Variants in XPNPEP1 observed in about 807,000 individuals in gnomAD.
The protein encoded by XPNPEP1 is X-prolyl aminopeptidase 1, also known as xaa-Pro aminopeptidase 1.
In XPNPEP1, 39 loss-of-function variants were observed where a neutral mutation model predicts 92.4. The observed-to-expected ratio is 0.42, with a 90% CI of 0.33 to 0.55. The LOEUF is 0.55. Among genes scored for constraint, XPNPEP1 ranks in the 20% least tolerant of loss-of-function variants. The pLI is 0.08. For synonymous variants in XPNPEP1, 307 were observed against 299.4 expected, an observed-to-expected ratio of 1.03 and a Z score of -0.26; for missense variants, 654 against 856.1, an observed-to-expected ratio of 0.76 and a Z score of 2.95.
intron 1 of XPNPEP1, among the ~76,000 whole-genome samples, chr10:109,918,823 GA>G (rs1175954340): frequency 5.9e-5 from 8 of 135,664 alleles, no homozygotes; most frequent in South Asian, 2.4e-4. Context: ...AGAAAGGAAA[GA>G]AAGGAAAGGA....
rs1848011744 is a variant in XPNPEP1 at position 109,880,183 on chromosome 10, C to A, written c.1182+5G>T. Reference sequence around the variant, plus strand: ...CCACATATTAAACAAAGACTAAGAACCAACCTCTTTCTCCAGCCAGTTAAA... The same window carrying A: ...CCACATATTAAACAAAGACTAAGAAACAACCTCTTTCTCCAGCCAGTTAAA... On this transcript the variant is annotated splice_donor_5th_base_variant and intron_variant, in intron 12 of 20. Coordinates refer to ENST00000502935, the MANE Select transcript of XPNPEP1 (RefSeq NM_020383.4). The A allele has an allele frequency of 6.2e-7, 1 of 1,613,780 alleles. No homozygotes were observed. The highest frequency in any genetic ancestry group is 1.7e-5 in the Admixed American group (1 of 59,998).
At chr10:109,887,872 C>G (rs975537859) in intron 7 of XPNPEP1, among the ~76,000 whole-genome samples, 177 bp downstream of exon 7, 5 of 152,214 alleles carry the variant, frequency 3.3e-5, no homozygotes, top group Non-Finnish European at 7.3e-5. Context: ...AAGTAGGTGG[C>G]AACAGTGGAA....
chr10:109,870,107 A>G, intron 18 of XPNPEP1, 78 bp from the exon 19 acceptor site: 1 of 1,476,430 alleles, frequency 6.8e-7, no homozygotes, highest in East Asian at 2.3e-5. Context: ...CACTCCTTGG[A>G]TGACTGCCCT....
At chr10:109,896,614 T>A (rs1030175618) in intron 3 of XPNPEP1, among the ~76,000 whole-genome samples, 1 of 151,962 alleles carries the variant, frequency 6.6e-6, no homozygotes, top group Admixed American at 6.6e-5. Context: ...ATTGTCTTGT[T>A]CCTCAACCCC....
chr10:109,888,330 G>A, intron 6 of XPNPEP1, 138 bp from the exon 7 acceptor site: 1 of 1,331,762 alleles, frequency 7.5e-7, no homozygotes, highest in South Asian at 1.5e-5. Flanking sequence ...ATGAGGAACT[G>A]TAAAAGCACA....
Position 109,920,963 on chromosome 10 carries a change from A to C in XPNPEP1, c.32+2439T>G, listed in dbSNP as rs1022236801. 2.6e-5 allele frequency among the ~76,000 whole-genome samples: 4 copies of C among 152,352 alleles called. No individual in the cohort carries two copies. The South Asian group carries it at 6.2e-4, about 24-fold the overall frequency. On this transcript the variant is annotated intron_variant, in intron 1 of 20. Transcript: ENST00000502935. ...GCCAAGACCAGAAACTAGGTCTGAC[A>C]GGTGAGCTCAAACTCTCTGTGTGAG...
chr10:109,897,969 G>A (rs192383531), intron 3 of XPNPEP1, among the ~76,000 whole-genome samples: 59 of 152,252 alleles, frequency 3.9e-4, no homozygotes, highest in African/African-American at 1.4e-3. Flanking sequence ...TCTGACTTTC[G>A]AAAGCCCATA....
At chr10:109,869,837 T>TA (rs1274613257) in intron 19 of XPNPEP1, 116 bp downstream of exon 19, 2 of 1,081,818 alleles carry the variant, frequency 1.8e-6, no homozygotes, top group African/African-American at 3.2e-5. Flanking sequence ...CTTCCCACAC[T>TA]AAGAAACAGG....
At chr10:109,886,685 CAATAT>C (rs1466335782) in intron 7 of XPNPEP1, among the ~76,000 whole-genome samples, 14 of 140,530 alleles carry the variant, frequency 1.0e-4, no homozygotes, top group Non-Finnish European at 2.1e-4. Flanking sequence ...ATGGGGCTTA[CAATAT>C]AGAAGGGAAG....
chr10:109,869,868 A>C, intron 19 of XPNPEP1, 85 bp downstream of exon 19: 5 of 1,360,398 alleles, frequency 3.7e-6, no homozygotes, highest in Non-Finnish European at 5.2e-6. Context: ...AGCTTTGCGC[A>C]GTGGCAGTAT....
chr10:109,881,788 T>C (rs1345303794), intron 10 of XPNPEP1, among the ~76,000 whole-genome samples: 1 of 152,184 alleles, frequency 6.6e-6, no homozygotes, highest in Non-Finnish European at 1.5e-5. Flanking sequence ...TCCCAGACCC[T>C]AATGAAAATG....
intron 4 of XPNPEP1, among the ~76,000 whole-genome samples, chr10:109,892,278 G>C (rs1848744238): frequency 6.6e-6 from 1 of 152,166 alleles, no homozygotes; most frequent in Non-Finnish European, 1.5e-5. Context: ...GAGTGTTCCT[G>C]CTGTGGTCAC....
chr10:109,872,269 C>G (rs1847529352), intron 16 of XPNPEP1, among the ~76,000 whole-genome samples: 1 of 152,264 alleles, frequency 6.6e-6, no homozygotes, highest in African/African-American at 2.4e-5. Context: ...CTACTGTTAT[C>G]CTCGCTTCAC....
intron 7 of XPNPEP1, among the ~76,000 whole-genome samples, chr10:109,886,628 C>A (rs548198417): frequency 1.3e-5 from 2 of 152,354 alleles, no homozygotes; most frequent in Admixed American, 6.5e-5. Context: ...AGGCACTCTG[C>A]TGGTCACTGT....
At chr10:109,896,739 A>G (rs1849014640) in intron 3 of XPNPEP1, among the ~76,000 whole-genome samples, 1 of 152,058 alleles carries the variant, frequency 6.6e-6, no homozygotes, top group African/African-American at 2.4e-5. Context: ...GAACAAGCAG[A>G]AAGAGACATG....
intron 3 of XPNPEP1, among the ~76,000 whole-genome samples, chr10:109,900,289 C>A (rs193285061): frequency 1.1e-4 from 17 of 152,290 alleles, no homozygotes; most frequent in African/African-American, 3.1e-4. Flanking sequence ...AACCCAGAAT[C>A]TACCCTGAAA....
At chr10:109,894,331 A>G (rs2133457704) in intron 3 of XPNPEP1, among the ~76,000 whole-genome samples, 1 of 152,120 alleles carries the variant, frequency 6.6e-6, no homozygotes, top group Admixed American at 6.6e-5. Context: ...CAGGAACTCG[A>G]GACCAGCCTG....
At chr10:109,893,715 G>A (rs1238246053) in intron 3 of XPNPEP1, among the ~76,000 whole-genome samples, 1 of 152,216 alleles carries the variant, frequency 6.6e-6, no homozygotes, top group Non-Finnish European at 1.5e-5. Context: ...AGGGAGTGAA[G>A]AAAGTAAGAA....
intron 2 of XPNPEP1, among the ~76,000 whole-genome samples, chr10:109,914,306 C>T (rs1266126985): frequency 6.6e-6 from 1 of 152,146 alleles, no homozygotes; most frequent in African/African-American, 2.4e-5. Flanking sequence ...ATATTACAAG[C>T]TTTTCTCATT....
Sources: gnomAD v4.1 joint callset for allele counts (sites outside exome capture counted in the v4.1 genomes callset) on GRCh38, gnomAD v4.1.1 for gene constraint, MANE v1.5 for transcripts, NCBI Gene and HGNC (gene_info 2026-07-23, HGNC 2026-07-21) for gene names.